The following CTNNA3 variants were observed in gnomAD, a reference collection of about 807,000 sequenced individuals.
CTNNA3 encodes the protein catenin alpha 3, also known as catenin alpha-3.
A neutral mutation model predicts 95.7 loss-of-function variants in CTNNA3; 76 were observed. That is an observed-to-expected ratio of 0.79 (90% CI 0.66 to 0.96). CTNNA3 has a LOEUF of 0.96. Ranked by LOEUF, CTNNA3 falls within the 40% of genes least tolerant of loss-of-function variation. The probability of loss-of-function intolerance (pLI) is 0.00; values close to 1 mark genes in which losing one functional copy is unlikely to be tolerated. For missense variants in CTNNA3, 1,191 were observed against 1,089.8 expected (o/e 1.09, Z -1.31); for synonymous variants, 431 against 374.4 (o/e 1.15, Z -1.74).
intron 1 of CTNNA3, among the ~76,000 whole-genome samples, chr10:67,727,216 T>C (rs1461208523): frequency 7.9e-6 from 1 of 126,630 alleles, no homozygotes; most frequent in Non-Finnish European, 1.6e-5. Context: ...TATATGTATA[T>C]ATGTATATTA....
intron 3 of CTNNA3, among the ~76,000 whole-genome samples, chr10:67,543,888 G>A (rs542750668): frequency 1.1e-4 from 16 of 152,172 alleles, no homozygotes; most frequent in African/African-American, 3.9e-4. Context: ...TATTTTATTT[G>A]GCAGGGAAGA....
chr10:66,286,393 G>A (rs1344047934), intron 12 of CTNNA3, among the ~76,000 whole-genome samples: 1 of 151,952 alleles, frequency 6.6e-6, no homozygotes, highest in African/African-American at 2.4e-5. Flanking sequence ...ATCTACTCCT[G>A]CATCTTGAGT....
intron 10 of CTNNA3, among the ~76,000 whole-genome samples, chr10:66,575,078 C>G (rs1248664669): frequency 3.3e-5 from 5 of 152,054 alleles, no homozygotes; most frequent in Non-Finnish European, 7.4e-5. Context: ...GATTTAGTGA[C>G]AAATTGAATA....
intron 7 of CTNNA3, among the ~76,000 whole-genome samples, chr10:67,087,083 T>C (rs1417117332): frequency 6.6e-6 from 1 of 152,064 alleles, no homozygotes; most frequent in African/African-American, 2.4e-5. Flanking sequence ...ATAGTTTCAA[T>C]TTAGGTCTCA....
At chr10:67,049,236 TA>T (rs750935304) in intron 7 of CTNNA3, among the ~76,000 whole-genome samples, 22 of 152,114 alleles carry the variant, frequency 1.4e-4, no homozygotes, top group Non-Finnish European at 2.4e-4. Flanking sequence ...GTTATTTCCA[TA>T]TTGATCATGT....
At chr10:67,535,431 A>G (rs1311788380) in intron 4 of CTNNA3, among the ~76,000 whole-genome samples, 2 of 151,992 alleles carry the variant, frequency 1.3e-5, no homozygotes, top group African/African-American at 2.4e-5. Flanking sequence ...ATAAAGTTCA[A>G]TGAATATAAA....
chr10:67,137,419 C>A (rs1358090911), intron 7 of CTNNA3, among the ~76,000 whole-genome samples: 1 of 152,094 alleles, frequency 6.6e-6, no homozygotes, highest in Non-Finnish European at 1.5e-5. Flanking sequence ...TTAACCTTTA[C>A]ACTTGGAAGC....
intron 7 of CTNNA3, among the ~76,000 whole-genome samples, chr10:67,091,846 C>A (rs1857664645): frequency 6.6e-6 from 1 of 151,796 alleles, no homozygotes; most frequent in Admixed American, 6.6e-5. Context: ...AAATAGGGAC[C>A]AAGGAAGAGG....
intron 1 of CTNNA3, among the ~76,000 whole-genome samples, chr10:67,756,325 A>C (rs1362828882): frequency 6.6e-6 from 1 of 152,218 alleles, no homozygotes; most frequent in Non-Finnish European, 1.5e-5. Flanking sequence ...AGAAGAGAAT[A>C]ATTCAAATGT....
intron 11 of CTNNA3, among the ~76,000 whole-genome samples, chr10:66,440,240 C>T (rs989715044): frequency 6.6e-6 from 1 of 152,020 alleles, no homozygotes; most frequent in Non-Finnish European, 1.5e-5. Flanking sequence ...GTAATATAAT[C>T]AATTTTTCTT....
chr10:66,488,570 C>A (rs1303401070), intron 11 of CTNNA3, among the ~76,000 whole-genome samples: 2 of 152,096 alleles, frequency 1.3e-5, no homozygotes, highest in Admixed American at 6.5e-5. Context: ...GATTAGAATG[C>A]CAGTGTGAAT....
chr10:66,249,843 A>G (rs2090478714), intron 13 of CTNNA3, among the ~76,000 whole-genome samples: 1 of 152,152 alleles, frequency 6.6e-6, no homozygotes, highest in African/African-American at 2.4e-5. Flanking sequence ...AAAGAAACAA[A>G]CAAACAAAAA....
At chr10:67,572,445 A>G (rs189880737) in intron 3 of CTNNA3, among the ~76,000 whole-genome samples, 2 of 152,240 alleles carry the variant, frequency 1.3e-5, no homozygotes, top group Admixed American at 1.3e-4. Flanking sequence ...CCCTCGAAGC[A>G]TAACTTCCAG....
chr10:67,064,832 G>A (rs1855970943), intron 7 of CTNNA3, among the ~76,000 whole-genome samples: 1 of 152,168 alleles, frequency 6.6e-6, no homozygotes, highest in African/African-American at 2.4e-5. Context: ...TTTTCAGTCA[G>A]AGGGACAGAT....
intron 7 of CTNNA3, among the ~76,000 whole-genome samples, chr10:67,169,004 G>C (rs993609974): frequency 6.6e-6 from 1 of 152,048 alleles, no homozygotes; most frequent in Non-Finnish European, 1.5e-5. Context: ...CAGCCAAACT[G>C]AGAGAAAAAT....
intron 7 of CTNNA3, among the ~76,000 whole-genome samples, chr10:66,802,704 A>G (rs892191078): frequency 1.3e-5 from 2 of 151,744 alleles, no homozygotes; most frequent in Non-Finnish European, 2.9e-5. Context: ...CTGAATCATA[A>G]TAGCCCCAAA....
chr10:67,367,714 T>C (rs1156611100), intron 5 of CTNNA3, among the ~76,000 whole-genome samples: 1 of 152,144 alleles, frequency 6.6e-6, no homozygotes, highest in Non-Finnish European at 1.5e-5. Flanking sequence ...GAATACAGTA[T>C]GCCCATAAAA....
chr10:67,483,820 C>T (rs1214942430), intron 5 of CTNNA3, among the ~76,000 whole-genome samples: 23 of 141,850 alleles, frequency 1.6e-4, no homozygotes, highest in African/African-American at 5.2e-4. Flanking sequence ...TCAAAGAAAT[C>T]AGAGACAACA....
At chr10:67,309,385 C>T (rs536967982) in intron 5 of CTNNA3, among the ~76,000 whole-genome samples, 1 of 152,234 alleles carries the variant, frequency 6.6e-6, no homozygotes, top group African/African-American at 2.4e-5. Flanking sequence ...ATAAACCTTT[C>T]CTACATTTCA....
Sources: allele counts gnomAD v4.1 joint callset (sites outside exome capture counted in the v4.1 genomes callset), GRCh38; gene constraint gnomAD v4.1.1; transcripts MANE v1.5; gene names NCBI Gene and HGNC (gene_info 2026-07-23, HGNC 2026-07-21).